ATP11A: variants seen among roughly 807,000 people sequenced by gnomAD.
ATP11A encodes phospholipid-transporting ATPase IH.
A neutral mutation model predicts 154.4 loss-of-function variants in ATP11A; 81 were observed. The ratio of observed to expected loss-of-function variants is 0.52; its 90% CI spans 0.44 to 0.63. The LOEUF is 0.63. ATP11A is among the 30% of genes least tolerant of loss of function. The pLI, the probability that ATP11A is intolerant of heterozygous loss-of-function variation, is 0.00. For missense variants in ATP11A, 1,316 were observed against 1,474.3 expected, an observed-to-expected ratio of 0.89 and a Z score of 1.76; for synonymous variants, 623 against 585.9, an observed-to-expected ratio of 1.06 and a Z score of -0.91.
At chr13:112,825,684 A>G in intron 11 of ATP11A, 104 bp downstream of exon 11, 1 of 1,347,444 alleles carries the variant, frequency 7.4e-7, no homozygotes, top group Non-Finnish European at 1.0e-6. Context: ...TGTAGGCAAA[A>G]AGCAGCTTGA....
At chr13:112,872,136 A>G (rs1240940098) in intron 26 of ATP11A, among the ~76,000 whole-genome samples, 1 of 152,208 alleles carries the variant, frequency 6.6e-6, no homozygotes, top group Non-Finnish European at 1.5e-5. Flanking sequence ...ATCAAAATAC[A>G]CTTTAATTGA....
intron 2 of ATP11A, among the ~76,000 whole-genome samples, chr13:112,791,714 C>G (rs2077863049): frequency 1.3e-5 from 2 of 152,184 alleles, no homozygotes; most frequent in Non-Finnish European, 2.9e-5. Flanking sequence ...TGCTCCCTGG[C>G]TCTGTGCTAC....
At chr13:112,725,492 A>C (rs1416062181) in intron 1 of ATP11A, among the ~76,000 whole-genome samples, 12 of 152,118 alleles carry the variant, frequency 7.9e-5, no homozygotes. Context: ...ACCAGTCTGG[A>C]GTGATAGGCT....
intron 1 of ATP11A, among the ~76,000 whole-genome samples, chr13:112,779,520 T>C (rs2077447350): frequency 1.3e-5 from 2 of 152,200 alleles, no homozygotes; most frequent in Non-Finnish European, 2.9e-5. Flanking sequence ...TAAAAGTAAA[T>C]AGTTTTCACT....
At chr13:112,719,049 G>T (rs1400951377) in intron 1 of ATP11A, among the ~76,000 whole-genome samples, 5 of 152,150 alleles carry the variant, frequency 3.3e-5, no homozygotes, top group Non-Finnish European at 7.3e-5. Flanking sequence ...CAGAAGAAGA[G>T]AAGATGCTGA....
At chr13:112,721,376 C>G (rs563587428) in intron 1 of ATP11A, among the ~76,000 whole-genome samples, 2 of 152,286 alleles carry the variant, frequency 1.3e-5, no homozygotes, top group South Asian at 4.1e-4. Context: ...GAAAACGTAC[C>G]TTTGCTCACT....
intron 1 of ATP11A, among the ~76,000 whole-genome samples, chr13:112,726,004 C>G (rs911608841): frequency 1.4e-4 from 22 of 152,380 alleles, no homozygotes; most frequent in Non-Finnish European, 1.0e-4. Flanking sequence ...GCCAAGCAAG[C>G]TTTGTGCTTT....
At chr13:112,708,602 A>G (rs531696690) in intron 1 of ATP11A, among the ~76,000 whole-genome samples, 11 of 152,254 alleles carry the variant, frequency 7.2e-5, no homozygotes, top group Non-Finnish European at 1.3e-4. Flanking sequence ...AGTTCATTAA[A>G]AAATGGGTTG....
chr13:112,846,756 A>G (rs2079621151), intron 17 of ATP11A, among the ~76,000 whole-genome samples: 1 of 152,052 alleles, frequency 6.6e-6, no homozygotes, highest in African/African-American at 2.4e-5. Context: ...GTCCTCCTGG[A>G]GATCTTAAAT....
intron 17 of ATP11A, among the ~76,000 whole-genome samples, chr13:112,848,341 A>T (rs952820849): frequency 4.0e-5 from 6 of 151,718 alleles, no homozygotes; most frequent in African/African-American, 1.5e-4. Context: ...CTGAAGTGGA[A>T]TTTTTTTTTA....
rs542120853 is a variant in ATP11A at position 112,859,764 on chromosome 13, G to A, written c.2727+312G>A. ...CTGGGCTGGGCATCCTGATGCCACT[G>A]CAAGAATTAACTCCAACTCGAGGTC... On this transcript the variant is annotated intron_variant, in intron 23 of 29. Coordinates refer to ENST00000375645, the MANE Select transcript of ATP11A (RefSeq NM_015205.3). This position sits in a 1 kb window ranked among gnomAD's most constrained non-coding sequence, Gnocchi z 4.3. Among the ~76,000 whole-genome samples, 1 of 152,254 alleles carries A rather than the reference G, an allele frequency of 6.6e-6. No individual in the cohort carries two copies. Among genetic ancestry groups the A allele is most frequent in the Non-Finnish European group, 1.5e-5 (1 of 68,042 alleles).
rs1320045797 is a variant in ATP11A, at chr13:112,851,443, C to T, written c.1991+225C>T. 2.9e-5 allele frequency: 13 copies of T among 443,030 alleles called. No homozygotes were observed. The Admixed American group carries it at 4.8e-4, about 16-fold the overall frequency. 27.4% of individuals were successfully genotyped at this position (443,030 alleles called of 1,614,324 possible). A position where few individuals can be genotyped will look rare whatever the true frequency, so the allele number is the denominator to read the frequency against. ...TCCATGAAGAAGATGCCTGAAAGCACACTTTCCCAGGAAGTAGTGAAAATA... is the reference window on the plus strand; with the variant it reads ...TCCATGAAGAAGATGCCTGAAAGCATACTTTCCCAGGAAGTAGTGAAAATA... On this transcript the variant is annotated intron_variant, in intron 18 of 29. Transcript: ENST00000375645.
chr13:112,845,826 C>A (rs2079588652), intron 17 of ATP11A, among the ~76,000 whole-genome samples: 1 of 134,490 alleles, frequency 7.4e-6, no homozygotes, highest in African/African-American at 2.8e-5. Context: ...AGTCCAGTTG[C>A]CGGCACTAGC....
chr13:112,775,519 TAC>T (rs939154410), intron 1 of ATP11A, among the ~76,000 whole-genome samples: 2 of 152,184 alleles, frequency 1.3e-5, no homozygotes, highest in African/African-American at 4.8e-5. Context: ...CTCTCCTACT[TAC>T]CGTTGCCAGA....
chr13:112,697,406 G>C lies in ATP11A; in HGVS notation c.39+6951G>C, dbSNP rs1885997204. 2.0e-5 allele frequency among the ~76,000 whole-genome samples: 3 copies of C among 151,990 alleles called. No individual in the cohort carries two copies. Among genetic ancestry groups the C allele is most frequent in the Admixed American group, 6.5e-5 (1 of 15,268 alleles). On this transcript the variant is annotated intron_variant, in intron 1 of 29. Coordinates refer to ENST00000375645, the MANE Select transcript of ATP11A (RefSeq NM_015205.3). The surrounding 1 kb of genome is among the most constrained non-coding windows in gnomAD (Gnocchi z 4.0). ...AGAAAACAGCTGCTGGGCCAACACC[G>C]AGACCCCAGGTCATTAGTGTTAATC...
At chr13:112,863,752 C>A (rs1387686248) in intron 25 of ATP11A, among the ~76,000 whole-genome samples, 26 of 75,526 alleles carry the variant, frequency 3.4e-4, no homozygotes, top group Admixed American at 6.4e-4. Context: ...TCAGTGCAGC[C>A]CATGCAGCTT....
intron 1 of ATP11A, among the ~76,000 whole-genome samples, chr13:112,765,378 G>A (rs2077051951): frequency 1.3e-5 from 2 of 152,178 alleles, no homozygotes; most frequent in South Asian, 4.1e-4. Flanking sequence ...GCCTGGGGGG[G>A]TCGTGGTCTC....
intron 20 of ATP11A, 79 bp downstream of exon 20, chr13:112,856,164 C>G: frequency 7.1e-7 from 1 of 1,404,990 alleles, no homozygotes; most frequent in Non-Finnish European, 9.7e-7. Context: ...CTCACCGCCT[C>G]AGATTGTTAA....
At chr13:112,710,180 C>A (rs1470638991) in intron 1 of ATP11A, among the ~76,000 whole-genome samples, 2 of 152,228 alleles carry the variant, frequency 1.3e-5, no homozygotes, top group South Asian at 4.1e-4. Flanking sequence ...ATGTGGTCCT[C>A]CCTCTTTGCA....
Sources: allele counts gnomAD v4.1 joint callset (sites outside exome capture counted in the v4.1 genomes callset), GRCh38; gene constraint gnomAD v4.1.1; non-coding constraint Gnocchi (gnomAD v3.1); transcripts MANE v1.5; gene names NCBI Gene and HGNC (gene_info 2026-07-23, HGNC 2026-07-21).